HTT: variants seen among roughly 807,000 people sequenced by gnomAD.
HTT encodes the protein huntington disease protein.
In HTT, 104 loss-of-function variants were observed where a neutral mutation model predicts 362.3. The observed-to-expected ratio is 0.29, with a 90% CI of 0.24 to 0.34. The LOEUF is 0.34. HTT is among the 10% of genes least tolerant of loss of function. The probability of loss-of-function intolerance (pLI) is 1.00; values close to 1 mark genes in which losing one functional copy is unlikely to be tolerated. For synonymous variants in HTT, 1,577 were observed against 1,548.7 expected, an observed-to-expected ratio of 1.02 and a Z score of -0.43; for missense variants, 3,301 against 3,928.6, an observed-to-expected ratio of 0.84 and a Z score of 4.27.
chr4:3,151,473 T>G (rs1431224002), intron 26 of HTT, among the ~76,000 whole-genome samples: 2 of 151,952 alleles, frequency 1.3e-5, no homozygotes, highest in Non-Finnish European at 2.9e-5. Flanking sequence ...GGGATGGTGC[T>G]CAACCATTAG....
intron 27 of HTT, 97 bp downstream of exon 27, chr4:3,154,516 T>A (rs1717051285): frequency 2.0e-6 from 3 of 1,467,716 alleles, no homozygotes; most frequent in Non-Finnish European, 2.8e-6. Context: ...GAAATAAATA[T>A]AATACACATC....
At position 3,115,419 on chromosome 4, in the gene HTT, A is replaced by G. The variant is rs1211775797; in HGVS notation, c.863A>G (p.Tyr288Cys). The stretch of plus-strand genomic sequence containing the variant: ...CACTCAAGAAGGACACAATATTTCT[A>G]TAGTTGGCTACTAAATGTGCTCTTA... ...CQHSRRTQYF[Y>C]SWLLNVLLGL... The change falls in exon 7 of 67, where the codon TAT becomes TGT. Residue 288 changes from tyrosine to cysteine, a missense_variant. This residue lies in a region of HTT where 2,316 missense variants were observed against 2,658.5 expected (regional missense o/e 0.87). Transcript: ENST00000355072. 9.3e-6 allele frequency: 15 copies of G among 1,613,828 alleles called. No homozygotes were observed. Among genetic ancestry groups the G allele is most frequent in the Non-Finnish European group, 1.2e-5 (14 of 1,179,684 alleles).
At chr4:3,230,443 GCCCCCC>G (rs1384676474) in intron 60 of HTT, among the ~76,000 whole-genome samples, 1 of 152,122 alleles carries the variant, frequency 6.6e-6, no homozygotes, top group African/African-American at 2.4e-5. Context: ...TATGTTCCAG[GCCCCCC>G]GAGCTTCCTG....
At chr4:3,189,859 T>A (rs1356405198) in intron 40 of HTT, among the ~76,000 whole-genome samples, 36 of 152,198 alleles carry the variant, frequency 2.4e-4, no homozygotes, top group African/African-American at 7.9e-4. Flanking sequence ...ACCCCATCTG[T>A]ACAAACAAAC....
chr4:3,125,503 C>A, intron 10 of HTT, 46 bp from the exon 11 acceptor site: 1 of 1,327,684 alleles, frequency 7.5e-7, no homozygotes, highest in Non-Finnish European at 1.1e-6. Flanking sequence ...TTTTGAAGTC[C>A]TTATTTTTAG....
At chr4:3,091,861 G>A (rs1381478656) in intron 2 of HTT, among the ~76,000 whole-genome samples, 1 of 152,130 alleles carries the variant, frequency 6.6e-6, no homozygotes, top group Non-Finnish European at 1.5e-5. Flanking sequence ...AAAATATAAA[G>A]CTTTAGATTA....
chr4:3,087,627 C>G (rs1419597285), intron 2 of HTT, among the ~76,000 whole-genome samples: 4 of 152,126 alleles, frequency 2.6e-5, no homozygotes. Flanking sequence ...ATATTTAGGC[C>G]TGTTTCCAAT....
chr4:3,137,168 A>G (rs1716110568), intron 21 of HTT, among the ~76,000 whole-genome samples: 1 of 151,990 alleles, frequency 6.6e-6, no homozygotes, highest in Non-Finnish European at 1.5e-5. Context: ...GGCCTCCCAA[A>G]GTGCTGGGAT....
chr4:3,175,042 G>A lies in HTT; in HGVS notation c.4342G>A (p.Val1448Ile). 6.2e-7 allele frequency: 1 copy of A among 1,614,110 alleles called. No individual in the cohort carries two copies. Among genetic ancestry groups the A allele is most frequent in the Non-Finnish European group, 8.5e-7 (1 of 1,179,968 alleles). Reference sequence around the variant, plus strand: ...AACATGTGTGCAGTTACAGAAGCAGGTTTTAGATTTGCTGGCGCAGCTGGT... The same window carrying A: ...AACATGTGTGCAGTTACAGAAGCAGATTTTAGATTTGCTGGCGCAGCTGGT... ...TTTCVQLQKQ[V>I]LDLLAQLVQL... The change falls in exon 33 of 67, where the codon GTT becomes ATT. Residue 1448 changes from valine to isoleucine, a missense_variant. Val to Ile is a conservative substitution (Grantham distance 29). Around this residue, in one of 4 missense-constraint regions of HTT, gnomAD observed 2,316 missense variants for 2,658.5 expected, o/e 0.87. Coordinates refer to ENST00000355072, the MANE Select transcript of HTT (RefSeq NM_001388492.1).
intron 16 of HTT, among the ~76,000 whole-genome samples, chr4:3,132,329 A>G (rs1303794119): frequency 6.6e-6 from 1 of 152,126 alleles, no homozygotes; most frequent in African/African-American, 2.4e-5. Context: ...TAGAATTATA[A>G]TCCAGAAAGT....
intron 56 of HTT, 66 bp downstream of exon 56, chr4:3,224,197 C>G: frequency 6.6e-7 from 1 of 1,515,554 alleles, no homozygotes; most frequent in Non-Finnish European, 9.1e-7. Flanking sequence ...GACTGGCATG[C>G]TCACCACACC....
intron 52 of HTT, among the ~76,000 whole-genome samples, chr4:3,219,898 C>T (rs1247352512): frequency 6.6e-6 from 1 of 152,206 alleles, no homozygotes. Context: ...CTGTCTCTAA[C>T]TCCTGCCTGC....
At chr4:3,149,336 TG>T in intron 26 of HTT, among the ~76,000 whole-genome samples, 1 of 151,012 alleles carries the variant, frequency 6.6e-6, no homozygotes, top group Non-Finnish European at 1.5e-5. Flanking sequence ...TCATTCTTGT[TG>T]CCTGGGCTGG....
intron 11 of HTT, 78 bp from the exon 12 acceptor site, chr4:3,127,186 C>T (rs1715559854): frequency 8.6e-6 from 9 of 1,051,028 alleles, no homozygotes; most frequent in Middle Eastern, 2.2e-4. Flanking sequence ...TGGAACTGTT[C>T]GTTATTTTGC....
chr4:3,223,167 G>A (rs952287312), intron 54 of HTT, among the ~76,000 whole-genome samples: 2 of 152,258 alleles, frequency 1.3e-5, no homozygotes, highest in African/African-American at 4.8e-5. Context: ...CATGTTTGGA[G>A]TTTTGTGCCC....
At chr4:3,141,301 CTT>C (rs1316979529) in intron 22 of HTT, among the ~76,000 whole-genome samples, 4 of 152,128 alleles carry the variant, frequency 2.6e-5, no homozygotes, top group African/African-American at 7.2e-5. Context: ...ATATGATACT[CTT>C]TTTTTCTGCT....
intron 12 of HTT, 83 bp from the exon 13 acceptor site, chr4:3,129,841 T>C (rs1454344538): frequency 6.5e-6 from 10 of 1,531,204 alleles, no homozygotes; most frequent in Non-Finnish European, 8.1e-6. Context: ...ATGTGCTCTT[T>C]CCTCATTGCA....
chr4:3,084,785 G>C (rs1055758360), intron 1 of HTT, among the ~76,000 whole-genome samples: 1 of 151,942 alleles, frequency 6.6e-6, no homozygotes, highest in African/African-American at 2.4e-5. Context: ...AGGCCGAGAT[G>C]GGCAGATCAC....
Position 3,074,748 on chromosome 4 carries a change from T to C in HTT, c.-78T>C, listed in dbSNP as rs1712373761. 7 of 1,417,832 alleles carry C rather than the reference T, an allele frequency of 4.9e-6. No individual in the cohort carries two copies. The South Asian group carries it at 7.6e-5, about 15-fold the overall frequency. 87.8% of individuals were successfully genotyped at this position (1,417,832 alleles called of 1,614,324 possible). On this transcript the variant is annotated 5_prime_UTR_variant, in exon 1 of 67. Coordinates refer to ENST00000355072, the MANE Select transcript of HTT (RefSeq NM_001388492.1). The stretch of plus-strand genomic sequence containing the variant: ...CTTTTACCTGCGGCCCAGAGCCCCA[T>C]TCATTGCCCCGGTGCTGAGCGGCGC...
Sources: gnomAD v4.1 joint callset for allele counts (sites outside exome capture counted in the v4.1 genomes callset) on GRCh38, gnomAD v4.1.1 for gene constraint, gnomAD v4.1.1 regional missense constraint, MANE v1.5 for transcripts, NCBI Gene and HGNC (gene_info 2026-07-23, HGNC 2026-07-21) for gene names.